The following HDX variants were observed in gnomAD, a reference collection of about 807,000 sequenced individuals.
HDX encodes chromosome X open reading frame 43.
A neutral mutation model predicts 45.2 loss-of-function variants in HDX; 19 were observed. The observed-to-expected ratio is 0.42, with a 90% CI of 0.29 to 0.62. The LOEUF is 0.62. Among genes scored for constraint, HDX ranks in the 20% least tolerant of loss-of-function variants. The probability of loss-of-function intolerance (pLI) is 0.20; values close to 1 mark genes in which losing one functional copy is unlikely to be tolerated. For synonymous variants in HDX, 188 were observed against 172.8 expected (o/e 1.09, Z -0.69); for missense variants, 532 against 493.9 (o/e 1.08, Z -0.73).
chrX:84,454,168 A>G, intron 4 of HDX, among the ~76,000 whole-genome samples: 1 of 111,269 alleles, frequency 9.0e-6, no homozygotes, highest in East Asian at 2.8e-4. Flanking sequence ...ATGGGGAAAG[A>G]CACCTTCTAC....
chrX:84,487,777 C>T (rs2040824385), intron 2 of HDX, among the ~76,000 whole-genome samples: 1 of 112,206 alleles, frequency 8.9e-6, no homozygotes, highest in Non-Finnish European at 1.9e-5. Flanking sequence ...TATAGGGTTT[C>T]CCTTAGAGTT....
chrX:84,440,521 A>T lies in HDX; in HGVS notation c.1305+11T>A. The T allele has an allele frequency of 2.6e-6, 3 of 1,145,690 alleles. No individual in the cohort carries two copies. The highest frequency in any genetic ancestry group is 3.6e-6 in the Non-Finnish European group (3 of 838,708). 94.4% of individuals were successfully genotyped at this position (1,145,690 alleles called of 1,213,427 possible). On this transcript the variant is annotated intron_variant, in intron 5 of 10. Coordinates refer to ENST00000373177, the MANE Select transcript of HDX (RefSeq NM_001177479.2). ...AAACCCATTTGCTGCTTTAAATGAA[A>T]GATTACTTACTGCTCTTTTTCTAGA...
chrX:84,404,012 A>T (rs909016252), intron 5 of HDX: 1 of 111,522 alleles, frequency 9.0e-6, no homozygotes, highest in Non-Finnish European at 1.9e-5. Flanking sequence ...TGAAGGGCTA[A>T]GCAGGTGCCG....
chrX:84,443,679 TA>T (rs932681267), intron 4 of HDX, among the ~76,000 whole-genome samples: 2 of 111,998 alleles, frequency 1.8e-5, no homozygotes, highest in African/African-American at 6.5e-5. Context: ...AAACGTGGCT[TA>T]GAATAAATTC....
At chrX:84,339,414 C>T (rs1367527948) in intron 7 of HDX, among the ~76,000 whole-genome samples, 1 of 111,475 alleles carries the variant, frequency 9.0e-6, no homozygotes, top group Non-Finnish European at 1.9e-5. Context: ...GCCTTATATT[C>T]CTATTCTCCT....
At chrX:84,487,130 C>A (rs958248396) in intron 2 of HDX, among the ~76,000 whole-genome samples, 1 of 111,666 alleles carries the variant, frequency 9.0e-6, no homozygotes, top group Non-Finnish European at 1.9e-5. Flanking sequence ...ACAGATGGTG[C>A]CTGTAAAAAA....
intron 5 of HDX, among the ~76,000 whole-genome samples, chrX:84,382,222 G>A (rs763326349): frequency 1.1e-4 from 12 of 111,348 alleles, no homozygotes; most frequent in Non-Finnish European, 2.1e-4. Context: ...TGTGGAAAAA[G>A]GGGAACCATT....
At chrX:84,475,435 A>C in intron 2 of HDX, 38 bp from the exon 3 acceptor site, 2 of 923,712 alleles carry the variant, frequency 2.2e-6, no homozygotes, top group Non-Finnish European at 1.5e-6. Flanking sequence ...ATTGGAATAA[A>C]AATTTGGTAT....
intron 5 of HDX, among the ~76,000 whole-genome samples, chrX:84,380,555 C>T (rs748797448): frequency 1.8e-5 from 2 of 111,263 alleles, no homozygotes; most frequent in Admixed American, 9.5e-5. Flanking sequence ...TTCTGGTATG[C>T]GAGCATGGTT....
chrX:84,397,183 T>C (rs1481822356), intron 5 of HDX, among the ~76,000 whole-genome samples: 1 of 111,734 alleles, frequency 8.9e-6, no homozygotes, highest in Non-Finnish European at 1.9e-5. Context: ...GGCAGTGGAG[T>C]CACTGCCTGT....
chrX:84,339,238 T>C (rs1428153470), intron 7 of HDX, among the ~76,000 whole-genome samples: 2 of 111,568 alleles, frequency 1.8e-5, no homozygotes, highest in African/African-American at 6.5e-5. Flanking sequence ...AGCCTTTACC[T>C]ACTCATTATT....
At chrX:84,328,858 G>A (rs2036779635) in intron 9 of HDX, among the ~76,000 whole-genome samples, 1 of 111,891 alleles carries the variant, frequency 8.9e-6, no homozygotes, top group South Asian at 3.7e-4. Flanking sequence ...AGGAGATCTT[G>A]AGAAATGTGC....
chrX:84,465,252 A>G (rs879141422), intron 4 of HDX, among the ~76,000 whole-genome samples: 1 of 112,291 alleles, frequency 8.9e-6, no homozygotes, highest in Non-Finnish European at 1.9e-5. Flanking sequence ...CCATTGTGGA[A>G]GACAGTGTGG....
At chrX:84,458,169 T>A (rs1450716121) in intron 4 of HDX, among the ~76,000 whole-genome samples, 1 of 111,634 alleles carries the variant, frequency 9.0e-6, no homozygotes, top group Non-Finnish European at 1.9e-5. Flanking sequence ...TTTTTGCAGA[T>A]CAATTTAATA....
At chrX:84,356,614 CTTTTTTTTTTTT>C (rs59321751) in intron 6 of HDX, among the ~76,000 whole-genome samples, 3 of 39,489 alleles carry the variant, frequency 7.6e-5, no homozygotes, top group African/African-American at 1.1e-4. Flanking sequence ...CTGTGGATAT[CTTTTTTTTTTTT>C]TTTTTTTTTT....
At chrX:84,469,600 T>C (rs2040419287) in intron 3 of HDX, 25 bp from the exon 4 acceptor site, 1 of 1,111,652 alleles carries the variant, frequency 9.0e-7, no homozygotes, top group Non-Finnish European at 1.2e-6. Flanking sequence ...CATGGTATTA[T>C]GAAAAAAAAA....
chrX:84,415,623 G>A (rs1190476105), intron 5 of HDX, among the ~76,000 whole-genome samples: 1 of 111,911 alleles, frequency 8.9e-6, no homozygotes, highest in Non-Finnish European at 1.9e-5. Context: ...CATTTATACT[G>A]TTGTTGCTTC....
chrX:84,442,622 T>C (rs1410117811), intron 4 of HDX, among the ~76,000 whole-genome samples: 1 of 111,143 alleles, frequency 9.0e-6, no homozygotes, highest in Non-Finnish European at 1.9e-5. Context: ...AAAATGTATT[T>C]TTTCTTTTTA....
At chrX:84,478,791 C>T (rs1015537626) in intron 2 of HDX, among the ~76,000 whole-genome samples, 1 of 110,402 alleles carries the variant, frequency 9.1e-6, no homozygotes. Flanking sequence ...CCCAGGAGTT[C>T]GAGGTTACAG....
Sources: allele counts gnomAD v4.1 joint callset (sites outside exome capture counted in the v4.1 genomes callset), GRCh38; gene constraint gnomAD v4.1.1; transcripts MANE v1.5; gene names NCBI Gene and HGNC (gene_info 2026-07-23, HGNC 2026-07-21).